The following CHLSN variants were observed in gnomAD, a reference collection of about 807,000 sequenced individuals.
The protein encoded by CHLSN is cholesin.
chr7:1,044,965 G>A, the CHLSN span, among the ~76,000 whole-genome samples: 7 of 152,380 alleles, frequency 4.6e-5, no homozygotes, highest in South Asian at 1.5e-3. Flanking sequence ...GTCCGACAGG[G>A]CACCACTGAT....
the CHLSN span, chr7:985,223 T>G: frequency 6.4e-7 from 1 of 1,554,914 alleles, no homozygotes; most frequent in Non-Finnish European, 8.7e-7. Flanking sequence ...ACCTTCGCGC[T>G]CCTCTTCGGC....
chr7:1,085,250 T>C, the CHLSN span, among the ~76,000 whole-genome samples: 1 of 152,218 alleles, frequency 6.6e-6, no homozygotes, highest in South Asian at 2.1e-4. Context: ...TATTCTATCC[T>C]GGGGATGAAC....
the CHLSN span, among the ~76,000 whole-genome samples, chr7:987,853 G>A: frequency 6.7e-6 from 1 of 150,012 alleles, no homozygotes; most frequent in South Asian, 2.1e-4. Flanking sequence ...TCCTGGGGGG[G>A]TCCCCTCTGT....
chr7:999,409 C>T, the CHLSN span, among the ~76,000 whole-genome samples: 122 of 147,402 alleles, frequency 8.3e-4, 1 homozygote, highest in African/African-American at 3.1e-3. Flanking sequence ...TCGCGATTAC[C>T]GGAGCTTGCA....
chr7:1,133,392 CAAAAAAA>C, the CHLSN span, among the ~76,000 whole-genome samples: 18 of 91,098 alleles, frequency 2.0e-4, no homozygotes, highest in Non-Finnish European at 1.1e-4. Context: ...CGATATACTG[CAAAAAAA>C]AAAAAAAAAA....
At chr7:1,091,578 C>T in the CHLSN span, 4 of 683,884 alleles carry the variant, frequency 5.8e-6, no homozygotes, top group Non-Finnish European at 1.0e-5. Flanking sequence ...ACCCAAACCA[C>T]CACAGGTGCT....
chr7:987,652 G>A, the CHLSN span: 1 of 1,020,920 alleles, frequency 9.8e-7, no homozygotes, highest in Non-Finnish European at 1.4e-6. Context: ...TCCCCGACCG[G>A]AGGCAATAAA....
chr7:1,058,118 G>A, the CHLSN span: 2 of 760,718 alleles, frequency 2.6e-6, no homozygotes, highest in Admixed American at 1.7e-5. Flanking sequence ...TGCCAGCACT[G>A]GCCACCCTCT....
At chr7:1,084,793 G>A in the CHLSN span, among the ~76,000 whole-genome samples, 4 of 152,258 alleles carry the variant, frequency 2.6e-5, no homozygotes, top group South Asian at 2.1e-4. Context: ...AGTGGAACCC[G>A]GGCTGGAGCC....
the CHLSN span, among the ~76,000 whole-genome samples, chr7:1,063,302 G>A: frequency 8.4e-4 from 128 of 152,348 alleles, no homozygotes; most frequent in African/African-American, 3.0e-3. Context: ...GGGGCTGGCA[G>A]CCGGTCTGGC....
At chr7:1,059,657 G>GGGCGGGTCCATAGTGA in the CHLSN span, among the ~76,000 whole-genome samples, 1 of 90,094 alleles carries the variant, frequency 1.1e-5, no homozygotes, top group Non-Finnish European at 2.4e-5. Flanking sequence ...GGTCTTAGGG[G>GGGCGGGTCCATAGTGA]GGCGGGTCCA....
the CHLSN span, among the ~76,000 whole-genome samples, chr7:1,103,769 C>T: frequency 6.6e-6 from 1 of 152,230 alleles, no homozygotes; most frequent in Non-Finnish European, 1.5e-5. Flanking sequence ...TCTCCCCAGC[C>T]CCTGAGACGG....
chr7:1,001,192 C>CCAGG, the CHLSN span, among the ~76,000 whole-genome samples: 1 of 152,208 alleles, frequency 6.6e-6, no homozygotes, highest in African/African-American at 2.4e-5. Context: ...GTTTCCAGGG[C>CCAGG]CAGGCAGGGC....
At chr7:1,127,711 G>C in the CHLSN span, among the ~76,000 whole-genome samples, 6,175 of 17,918 alleles carry the variant, frequency 0.34, 832 homozygotes, top group Middle Eastern at 0.46. Context: ...AATCTCGGCT[G>C]ATCCCACCGT....
chr7:998,098 A>G, the CHLSN span, among the ~76,000 whole-genome samples: 2 of 152,246 alleles, frequency 1.3e-5, no homozygotes, highest in African/African-American at 4.8e-5. Context: ...TACGACACAA[A>G]TTAAACAGGG....
chr7:1,000,861 G>C, the CHLSN span, among the ~76,000 whole-genome samples: 1 of 152,206 alleles, frequency 6.6e-6, no homozygotes, highest in Non-Finnish European at 1.5e-5. Flanking sequence ...GGATTTTACA[G>C]GGGGGGAAGG....
chr7:1,093,328 G>A, the CHLSN span: 5 of 423,298 alleles, frequency 1.2e-5, 1 homozygote, highest in South Asian at 9.0e-5. Flanking sequence ...GTCTGAGCTG[G>A]ACGTCGCGGT....
At chr7:1,071,456 C>G in the CHLSN span, among the ~76,000 whole-genome samples, 2 of 152,116 alleles carry the variant, frequency 1.3e-5, no homozygotes, top group Non-Finnish European at 2.9e-5. Context: ...GGCCTGGGCA[C>G]TGGTGGGGGC....
chr7:1,092,133 C>T, the CHLSN span: 1 of 1,613,756 alleles, frequency 6.2e-7, no homozygotes, highest in Non-Finnish European at 8.5e-7. Flanking sequence ...TCATGTCGCT[C>T]TTCCTGCAGG....
Sources: gnomAD v4.1 joint callset for allele counts (sites outside exome capture counted in the v4.1 genomes callset) on GRCh38, gnomAD v4.1.1 for gene constraint, MANE v1.5 for transcripts, NCBI Gene and HGNC (gene_info 2026-07-23, HGNC 2026-07-21) for gene names.